The following RPF2 variants were observed in gnomAD, a reference collection of about 807,000 sequenced individuals.
The protein encoded by RPF2 is ribosome production factor 2 homolog.
RPF2 carries 21 observed loss-of-function variants against 38.9 expected under a neutral mutation model. The ratio of observed to expected loss-of-function variants is 0.54; its 90% CI spans 0.38 to 0.78. The LOEUF (loss-of-function observed/expected upper bound fraction) is 0.78, where lower values mean the gene tolerates loss of function less well. Ranked by LOEUF, RPF2 falls within the 30% of genes least tolerant of loss-of-function variation. The probability of loss-of-function intolerance (pLI) is 0.00; values close to 1 mark genes in which losing one functional copy is unlikely to be tolerated. For synonymous variants in RPF2, 121 were observed against 126.2 expected (o/e 0.96, Z 0.28); for missense variants, 314 against 358.1 (o/e 0.88, Z 0.99).
intron 7 of RPF2, among the ~76,000 whole-genome samples, chr6:111,015,287 A>G (rs1772088078): frequency 6.6e-6 from 1 of 152,172 alleles, no homozygotes; most frequent in South Asian, 2.1e-4. Context: ...AAAGTTTCTT[A>G]TCCTTTGTTC....
At chr6:110,987,692 G>T (rs1473620508) in intron 2 of RPF2, among the ~76,000 whole-genome samples, 2 of 152,126 alleles carry the variant, frequency 1.3e-5, no homozygotes, top group African/African-American at 4.8e-5. Context: ...TACTTAAAAA[G>T]GTAGATTTTA....
intron 2 of RPF2, 45 bp from the exon 3 acceptor site, chr6:110,988,983 T>C (rs1771571131): frequency 6.3e-7 from 1 of 1,581,944 alleles, no homozygotes; most frequent in Non-Finnish European, 8.6e-7. Context: ...ATTTCTGCTT[T>C]TCAGAATGTG....
Position 111,007,997 on chromosome 6 carries a change from A to G in RPF2, c.394-41A>G. 3 of 1,518,736 alleles carry G rather than the reference A, an allele frequency of 2.0e-6. No individual in the cohort carries two copies. In the South Asian group the frequency reaches 4.0e-5, roughly 20 times the overall value. 94.1% of individuals were successfully genotyped at this position (1,518,736 alleles called of 1,614,324 possible). ...CAAAATCAATATATAAACAGTTTAGACTTTGGTAATTATATAATTGCTTTT... is the reference window on the plus strand; with the variant it reads ...CAAAATCAATATATAAACAGTTTAGGCTTTGGTAATTATATAATTGCTTTT... On this transcript the variant is annotated intron_variant, in intron 6 of 9. Coordinates refer to ENST00000441448, the MANE Select transcript of RPF2 (RefSeq NM_032194.3).
chr6:110,993,323 A>C (rs1374502821), intron 4 of RPF2, among the ~76,000 whole-genome samples: 1 of 151,882 alleles, frequency 6.6e-6, no homozygotes, highest in Non-Finnish European at 1.5e-5. Context: ...TTAGTTAGTG[A>C]ATTTAAAAGA....
rs185412598 is a variant in RPF2, at chr6:110,997,684, C to A, written c.316+420C>A. On this transcript the variant is annotated intron_variant, in intron 5 of 9. Coordinates refer to ENST00000441448, the MANE Select transcript of RPF2 (RefSeq NM_032194.3). ...TGAGCCAAGATGGCGCCACTGTACT[C>A]CAGCCTGGGTGACAGAGTGAGACCT... 3.9e-5 allele frequency among the ~76,000 whole-genome samples: 6 copies of A among 152,148 alleles called. No homozygotes were observed. In the East Asian group the frequency reaches 1.2e-3, roughly 29 times the overall value.
chr6:110,999,054 A>T (rs188188870), intron 5 of RPF2, among the ~76,000 whole-genome samples: 8 of 152,218 alleles, frequency 5.3e-5, no homozygotes, highest in Admixed American at 4.6e-4. Flanking sequence ...ATATGAAAAG[A>T]TTCCCTGGTA....
chr6:110,983,333 T>C (rs1771463758), intron 1 of RPF2, among the ~76,000 whole-genome samples: 1 of 149,688 alleles, frequency 6.7e-6, no homozygotes, highest in Non-Finnish European at 1.5e-5. Context: ...GACGAATTTT[T>C]AAATCTAGCT....
chr6:111,000,430 G>T (rs1160596063), intron 6 of RPF2, among the ~76,000 whole-genome samples: 1 of 152,080 alleles, frequency 6.6e-6, no homozygotes, highest in Non-Finnish European at 1.5e-5. Context: ...CCTATTTTAT[G>T]GAACCTTAGA....
chr6:110,988,256 G>A (rs1771557392), intron 2 of RPF2, among the ~76,000 whole-genome samples: 1 of 151,920 alleles, frequency 6.6e-6, no homozygotes, highest in Non-Finnish European at 1.5e-5. Flanking sequence ...GGTAGAACTA[G>A]GAAAAAAATG....
At chr6:111,012,999 T>C (rs1451276955) in intron 7 of RPF2, among the ~76,000 whole-genome samples, 2 of 152,206 alleles carry the variant, frequency 1.3e-5, no homozygotes, top group Non-Finnish European at 2.9e-5. Context: ...ATTATTATAC[T>C]TTAGGTTATC....
chr6:110,984,537 T>A (rs1004310793), intron 1 of RPF2, among the ~76,000 whole-genome samples: 1 of 152,214 alleles, frequency 6.6e-6, no homozygotes, highest in South Asian at 2.1e-4. Context: ...TTTACTAATA[T>A]CTACCAAAAA....
At chr6:110,988,188 G>A (rs1771556221) in intron 2 of RPF2, among the ~76,000 whole-genome samples, 1 of 152,010 alleles carries the variant, frequency 6.6e-6, no homozygotes. Flanking sequence ...GGGCAACAGA[G>A]TGAGACCCTG....
rs768405400 is a variant in RPF2 at position 110,982,081 on chromosome 6, G to A, written c.-26G>A. On this transcript the variant is annotated 5_prime_UTR_variant, in exon 1 of 10. Transcript: ENST00000441448. ...GCCGAGGGCACGTGCATGCCCCCTG[G>A]TTAAGAGTTGCAGGTAGCGGTAGCG... 2.0e-5 allele frequency: 32 copies of A among 1,614,018 alleles called. No homozygotes were observed. Among genetic ancestry groups the A allele is most frequent in the Non-Finnish European group, 2.3e-5 (27 of 1,179,966 alleles).
At chr6:111,025,364 T>G (rs1263626907) in intron 9 of RPF2, 39 bp from the exon 10 acceptor site, 1 of 1,406,460 alleles carries the variant, frequency 7.1e-7, no homozygotes, top group South Asian at 1.2e-5. Flanking sequence ...CTCATTATAG[T>G]AGAAGGCCAT....
At chr6:110,985,370 T>G in intron 2 of RPF2, among the ~76,000 whole-genome samples, 1 of 152,364 alleles carries the variant, frequency 6.6e-6, no homozygotes, top group East Asian at 1.9e-4. Flanking sequence ...CAGGTGGGTC[T>G]GGTAGAGTGA....
chr6:110,992,669 T>C (rs910912037), intron 4 of RPF2, among the ~76,000 whole-genome samples: 1 of 152,194 alleles, frequency 6.6e-6, no homozygotes, highest in Non-Finnish European at 1.5e-5. Flanking sequence ...TTTGAGTGTA[T>C]AGTCAACCAA....
At chr6:110,999,823 T>C (rs1038798212) in intron 6 of RPF2, 36 bp downstream of exon 6, 3 of 1,176,652 alleles carry the variant, frequency 2.5e-6, no homozygotes, top group African/African-American at 1.5e-5. Flanking sequence ...TATTTTGTAA[T>C]GCTTCTCTTG....
intron 6 of RPF2, among the ~76,000 whole-genome samples, chr6:111,002,320 T>C (rs925382913): frequency 3.9e-5 from 6 of 152,052 alleles, no homozygotes; most frequent in African/African-American, 1.4e-4. Context: ...CACAAAACCA[T>C]TATTGTTTGT....
intron 2 of RPF2, among the ~76,000 whole-genome samples, chr6:110,986,906 C>A (rs1269700673): frequency 6.7e-6 from 1 of 150,242 alleles, no homozygotes; most frequent in African/African-American, 2.5e-5. Flanking sequence ...TGAGCTGAGA[C>A]CACGCCATTG....
Sources: gnomAD v4.1 joint callset for allele counts (sites outside exome capture counted in the v4.1 genomes callset) on GRCh38, gnomAD v4.1.1 for gene constraint, MANE v1.5 for transcripts, NCBI Gene and HGNC (gene_info 2026-07-23, HGNC 2026-07-21) for gene names.